IL7: variants seen among roughly 807,000 people sequenced by gnomAD.
IL7 encodes the protein interleukin 7.
In IL7, 3 loss-of-function variants were observed where a neutral mutation model predicts 21.6. The ratio of observed to expected loss-of-function variants is 0.14; its 90% confidence interval spans 0.06 to 0.36. The LOEUF (loss-of-function observed/expected upper bound fraction) is 0.36, where lower values mean the gene tolerates loss of function less well. Among genes scored for constraint, IL7 ranks in the 10% least tolerant of loss-of-function variants. The probability of loss-of-function intolerance (pLI) is 1.00; values close to 1 mark genes in which losing one functional copy is unlikely to be tolerated. For synonymous variants in IL7, 62 were observed against 68.1 expected (o/e 0.91, Z 0.44); for missense variants, 175 against 200.2 (o/e 0.87, Z 0.76).
intron 3 of IL7, among the ~76,000 whole-genome samples, chr8:78,699,651 G>A (rs1471377978): frequency 2.0e-5 from 3 of 151,972 alleles, no homozygotes; most frequent in Admixed American, 1.3e-4. Context: ...TCCAGTACGT[G>A]TTGTTCCCCT....
intron 3 of IL7, among the ~76,000 whole-genome samples, chr8:78,702,962 T>C (rs1000281082): frequency 7.2e-5 from 11 of 152,154 alleles, no homozygotes; most frequent in African/African-American, 2.4e-4. Flanking sequence ...TGTGGCATGA[T>C]CTTGGCTCGC....
At chr8:78,694,179 A>G (rs1259096795) in intron 3 of IL7, among the ~76,000 whole-genome samples, 2 of 151,000 alleles carry the variant, frequency 1.3e-5, no homozygotes, top group Non-Finnish European at 2.9e-5. Flanking sequence ...TTCCATTAAT[A>G]TTTTCATAGT....
downstream of IL7, among the ~76,000 whole-genome samples, chr8:78,729,279 T>C (rs1256423265): frequency 6.6e-6 from 1 of 152,026 alleles, no homozygotes; most frequent in Non-Finnish European, 1.5e-5. Flanking sequence ...ATATGCTCCA[T>C]GAAGGCAGGG....
chr8:78,694,344 C>A (rs962231471), intron 3 of IL7, among the ~76,000 whole-genome samples: 3 of 150,958 alleles, frequency 2.0e-5, no homozygotes, highest in Non-Finnish European at 4.4e-5. Context: ...TTATTATTGA[C>A]CTTTGCTGCT....
chr8:78,702,047 T>C (rs1219598727), intron 3 of IL7, among the ~76,000 whole-genome samples: 2 of 152,120 alleles, frequency 1.3e-5, no homozygotes, highest in East Asian at 3.9e-4. Flanking sequence ...CAGTAGGAAT[T>C]GTACCAGTTC....
intron 2 of IL7, among the ~76,000 whole-genome samples, chr8:78,783,033 C>G (rs772529318): frequency 9.4e-6 from 1 of 106,384 alleles, no homozygotes; most frequent in East Asian, 3.9e-4. Context: ...ATATCTCTGG[C>G]ACCAGCAGGG....
Position 78,686,704 on chromosome 8 carries a change from T to C in IL7, n.215-757A>G, listed in dbSNP as rs190287781. On this transcript the variant is annotated intron_variant and non_coding_transcript_variant, in intron 3 of 4. Transcript: ENST00000523959. The stretch of plus-strand genomic sequence containing the variant: ...ACTTGTTAAGCTTAACTTACAATCA[T>C]GGAGTGTTATGAGGCATAATCTTTA... The C allele has an allele frequency of 8.7e-6, 11 of 1,270,250 alleles. No individual in the cohort carries two copies. The Admixed American group carries it at 2.6e-4, about 30-fold the overall frequency. 78.7% of individuals were successfully genotyped at this position (1,270,250 alleles called of 1,614,324 possible).
intron 3 of IL7, among the ~76,000 whole-genome samples, chr8:78,724,789 T>A (rs532456773): frequency 6.6e-6 from 1 of 152,060 alleles, no homozygotes; most frequent in African/African-American, 2.4e-5. Context: ...TAGTAAACAC[T>A]GTCATGTTTC....
intron 2 of IL7, among the ~76,000 whole-genome samples, chr8:78,764,170 C>T (rs1812673336): frequency 1.3e-5 from 2 of 151,978 alleles, no homozygotes; most frequent in Admixed American, 1.3e-4. Flanking sequence ...AAAATTTTAA[C>T]ACATTAGGAA....
At chr8:78,689,667 C>T (rs1810145917) in intron 3 of IL7, among the ~76,000 whole-genome samples, 1 of 151,678 alleles carries the variant, frequency 6.6e-6, no homozygotes, top group Non-Finnish European at 1.5e-5. Flanking sequence ...TATATGTATA[C>T]ATGTTTTTAG....
At chr8:78,747,857 T>C (rs1812036581) in intron 2 of IL7, among the ~76,000 whole-genome samples, 2 of 152,280 alleles carry the variant, frequency 1.3e-5, no homozygotes, top group African/African-American at 2.4e-5. Context: ...ATACAAGATA[T>C]ATGCTGCCAT....
At chr8:78,735,293 GT>G (rs33976248) in intron 5 of IL7, among the ~76,000 whole-genome samples, 4 of 69,582 alleles carry the variant, frequency 5.7e-5, no homozygotes, top group South Asian at 5.8e-4. Flanking sequence ...TTTTTTTTTT[GT>G]TTTTTTTTTT....
At chr8:78,728,641 A>G (rs1388224114), downstream of IL7, among the ~76,000 whole-genome samples, 6 of 152,068 alleles carry the variant, frequency 3.9e-5, no homozygotes, top group Non-Finnish European at 5.9e-5. Context: ...GTAAAACATA[A>G]AACTATACAA....
At chr8:78,803,721 G>C (rs1306162877) in intron 1 of IL7, among the ~76,000 whole-genome samples, 1 of 152,160 alleles carries the variant, frequency 6.6e-6, no homozygotes, top group Non-Finnish European at 1.5e-5. Flanking sequence ...GCAGAACTAT[G>C]GGCATTGCAA....
chr8:78,783,466 C>A (rs970286622), intron 2 of IL7, among the ~76,000 whole-genome samples: 1 of 152,062 alleles, frequency 6.6e-6, no homozygotes, highest in Non-Finnish European at 1.5e-5. Context: ...TAGTTGCCAG[C>A]ACAGGATTCA....
chr8:78,798,584 G>T (rs1051317127), intron 1 of IL7, among the ~76,000 whole-genome samples: 3 of 151,998 alleles, frequency 2.0e-5, no homozygotes, highest in Admixed American at 6.6e-5. Context: ...GTTACATATT[G>T]TTGGAATTTT....
intron 2 of IL7, among the ~76,000 whole-genome samples, chr8:78,752,330 A>T (rs1005452529): frequency 6.6e-6 from 1 of 152,132 alleles, no homozygotes; most frequent in Admixed American, 6.5e-5. Flanking sequence ...TTCCATTTTT[A>T]ATTTTGTGAG....
At chr8:78,717,206 A>G, downstream of IL7, 1 of 844,370 alleles carries the variant, frequency 1.2e-6, no homozygotes, top group Non-Finnish European at 1.7e-6. Flanking sequence ...TTTGAACTAG[A>G]GGAATATTAA....
At chr8:78,771,377 G>A (rs1394358577) in intron 2 of IL7, among the ~76,000 whole-genome samples, 1 of 152,102 alleles carries the variant, frequency 6.6e-6, no homozygotes, top group Admixed American at 6.6e-5. Context: ...GTCTAAGGCA[G>A]TTAAGACCTG....
Sources: allele counts gnomAD v4.1 joint callset (sites outside exome capture counted in the v4.1 genomes callset), GRCh38; gene constraint gnomAD v4.1.1; transcripts MANE v1.5; gene names NCBI Gene and HGNC (gene_info 2026-07-23, HGNC 2026-07-21).